Variants in ASIC2 observed in about 807,000 individuals in gnomAD.
ASIC2 encodes the protein acid sensing ion channel subunit 2, also known as acid-sensing ion channel 2.
A neutral mutation model predicts 57.3 loss-of-function variants in ASIC2; 25 were observed. The ratio of observed to expected loss-of-function variants is 0.44; its 90% CI spans 0.32 to 0.61. The LOEUF (loss-of-function observed/expected upper bound fraction) is 0.61, where lower values mean the gene tolerates loss of function less well. ASIC2 is among the 20% of genes least tolerant of loss of function. The pLI is 0.06. For synonymous variants in ASIC2, 319 were observed against 307.5 expected, an observed-to-expected ratio of 1.04 and a Z score of -0.39; for missense variants, 641 against 738.1, an observed-to-expected ratio of 0.87 and a Z score of 1.52.
intron 1 of ASIC2, among the ~76,000 whole-genome samples, chr17:33,550,511 G>A (rs1915719554): frequency 6.6e-6 from 1 of 152,128 alleles, no homozygotes; most frequent in Non-Finnish European, 1.5e-5. Context: ...TTACATTCTG[G>A]GACAGTAGCA....
rs144580004 is a variant in ASIC2, at chr17:34,120,586, A to G, written c.555+35392T>C. 3.3e-5 allele frequency among the ~76,000 whole-genome samples: 5 copies of G among 151,754 alleles called. No individual in the cohort carries two copies. In the East Asian group the frequency reaches 9.7e-4, roughly 29 times the overall value. The stretch of plus-strand genomic sequence containing the variant: ...GTTGAATTGTATCTTCCCAAAAGAT[A>G]TGTTGGAGTGCTAAATCGCAGTAAC... On this transcript the variant is annotated intron_variant, in intron 1 of 9. Transcript: ENST00000359872.
intron 1 of ASIC2, among the ~76,000 whole-genome samples, chr17:33,643,960 C>T (rs1002642492): frequency 1.3e-5 from 2 of 152,184 alleles, no homozygotes; most frequent in South Asian, 2.1e-4. Context: ...TTTTTAAAGT[C>T]GCAAACTATT....
chr17:33,185,391 G>A (rs1906151727), intron 1 of ASIC2, among the ~76,000 whole-genome samples: 1 of 152,206 alleles, frequency 6.6e-6, no homozygotes, highest in Middle Eastern at 3.4e-3. Context: ...TGGTGCACAC[G>A]GTAAAGAATT....
At chr17:33,228,359 A>C (rs967852890) in intron 1 of ASIC2, among the ~76,000 whole-genome samples, 6 of 152,200 alleles carry the variant, frequency 3.9e-5, no homozygotes, top group African/African-American at 1.4e-4. Flanking sequence ...AAAAAAAAGA[A>C]GGGGGGTAAG....
intron 1 of ASIC2, among the ~76,000 whole-genome samples, chr17:33,129,485 A>T (rs2092336804): frequency 6.6e-6 from 1 of 152,264 alleles, no homozygotes; most frequent in African/African-American, 2.4e-5. Flanking sequence ...CATGGAGAAT[A>T]GTTCTAGGAT....
chr17:33,802,805 A>T (rs1270769574), intron 1 of ASIC2, among the ~76,000 whole-genome samples: 1 of 152,208 alleles, frequency 6.6e-6, no homozygotes, highest in Non-Finnish European at 1.5e-5. Flanking sequence ...TTCTCTGCTC[A>T]TTGCTCCTGC....
chr17:33,962,843 G>A lies in ASIC2; in HGVS notation c.555+193135C>T, dbSNP rs34080425. Among the ~76,000 whole-genome samples the A allele has an allele frequency of 8.0e-3, 1,215 of 152,240 alleles. 22 individuals carry two copies. The highest frequency in any genetic ancestry group is 0.028 in the African/African-American group (1,161 of 41,540). On this transcript the variant is annotated intron_variant, in intron 1 of 9. Coordinates refer to the ASIC2 transcript ENST00000359872. ...AAAATGACTAGTGTCATGTCTCCCAGCCCAAACTAATATATTTCTTGAGGC... is the reference window on the plus strand; with the variant it reads ...AAAATGACTAGTGTCATGTCTCCCAACCCAAACTAATATATTTCTTGAGGC...
chr17:34,039,547 C>A, intron 1 of ASIC2: 1 of 1,613,894 alleles, frequency 6.2e-7, no homozygotes, highest in African/African-American at 1.3e-5. Flanking sequence ...CAGTGAGGAT[C>A]GTGCAACTGG....
intron 1 of ASIC2, among the ~76,000 whole-genome samples, chr17:33,837,288 T>C (rs956756217): frequency 1.3e-5 from 2 of 152,220 alleles, no homozygotes; most frequent in Admixed American, 1.3e-4. Context: ...GCTCAATCAA[T>C]GGCCTTGCAT....
chr17:33,196,173 C>T (rs1232363009), intron 1 of ASIC2, among the ~76,000 whole-genome samples: 2 of 152,264 alleles, frequency 1.3e-5, no homozygotes, highest in South Asian at 2.1e-4. Context: ...TCCTTGTTAG[C>T]CCTATTTTGC....
chr17:33,754,385 G>A (rs1301518314), intron 1 of ASIC2, among the ~76,000 whole-genome samples: 1 of 151,962 alleles, frequency 6.6e-6, no homozygotes, highest in Non-Finnish European at 1.5e-5. Flanking sequence ...CAGACACTCC[G>A]ATAAAGCTAT....
intron 1 of ASIC2, among the ~76,000 whole-genome samples, chr17:33,654,373 C>A (rs1293601868): frequency 6.6e-6 from 1 of 152,244 alleles, no homozygotes; most frequent in Non-Finnish European, 1.5e-5. Flanking sequence ...CTAAGCACAT[C>A]TGAACTGGAT....
At chr17:33,734,671 GGACCCCAATCCAATAAGAC>G (rs1441594749) in intron 1 of ASIC2, among the ~76,000 whole-genome samples, 3 of 152,244 alleles carry the variant, frequency 2.0e-5, no homozygotes, top group East Asian at 3.9e-4. Context: ...TGTAAGGATG[GGACCCCAATCCAATAAGAC>G]TGGTGCCCTT....
At chr17:33,491,510 A>G (rs1248008494) in intron 1 of ASIC2, among the ~76,000 whole-genome samples, 8 of 152,218 alleles carry the variant, frequency 5.3e-5, no homozygotes, top group Admixed American at 2.0e-4. Flanking sequence ...AAATAGGAAA[A>G]ACTCTAAAAA....
intron 1 of ASIC2, among the ~76,000 whole-genome samples, chr17:33,592,369 C>T (rs1408643602): frequency 6.6e-6 from 1 of 152,256 alleles, no homozygotes; most frequent in Non-Finnish European, 1.5e-5. Context: ...CTGGTTTGCT[C>T]TGATTTTAGG....
chr17:33,814,701 G>A (rs1912526954), intron 1 of ASIC2, among the ~76,000 whole-genome samples: 2 of 152,226 alleles, frequency 1.3e-5, no homozygotes, highest in Admixed American at 6.5e-5. Flanking sequence ...TGGGATTTGC[G>A]TGTGAGTGGC....
chr17:33,181,203 C>T (rs1461641089), intron 1 of ASIC2, among the ~76,000 whole-genome samples: 1 of 152,134 alleles, frequency 6.6e-6, no homozygotes, highest in East Asian at 1.9e-4. Flanking sequence ...CAGCTGTGAG[C>T]TCTTGGAGGA....
chr17:33,728,500 A>C (rs1909634399), intron 1 of ASIC2, among the ~76,000 whole-genome samples: 1 of 152,052 alleles, frequency 6.6e-6, no homozygotes, highest in South Asian at 2.1e-4. Flanking sequence ...GGACAACATC[A>C]TTTCCTCCCT....
At chr17:33,321,008 G>A (rs1297133436) in intron 1 of ASIC2, among the ~76,000 whole-genome samples, 2 of 152,100 alleles carry the variant, frequency 1.3e-5, no homozygotes, top group African/African-American at 4.8e-5. Context: ...TCAGTCTGTG[G>A]CTACTAGGAA....
Sources: gnomAD v4.1 joint callset for allele counts (sites outside exome capture counted in the v4.1 genomes callset) on GRCh38, gnomAD v4.1.1 for gene constraint, MANE v1.5 for transcripts, NCBI Gene and HGNC (gene_info 2026-07-23, HGNC 2026-07-21) for gene names.